Variants in PPP6R2 observed in about 807,000 individuals in gnomAD.
The protein encoded by PPP6R2 is protein phosphatase 6 regulatory subunit 2.
A neutral mutation model predicts 100.2 loss-of-function variants in PPP6R2; 62 were observed. That is an observed-to-expected ratio of 0.62 (90% CI 0.50 to 0.76). The LOEUF is 0.76. PPP6R2 is among the 30% of genes least tolerant of loss of function. PPP6R2 has a pLI of 0.00. For synonymous variants in PPP6R2, 525 were observed against 514.7 expected, an observed-to-expected ratio of 1.02 and a Z score of -0.27; for missense variants, 1,142 against 1,276.3, an observed-to-expected ratio of 0.89 and a Z score of 1.60.
chr22:50,362,038 C>G (rs1429736663), intron 1 of PPP6R2, among the ~76,000 whole-genome samples: 1 of 152,194 alleles, frequency 6.6e-6, no homozygotes, highest in Non-Finnish European at 1.5e-5. Context: ...TATGCCTGGA[C>G]CTTTGTGGTC....
chr22:50,339,245 TTG>T (rs1157774723), upstream of PPP6R2, among the ~76,000 whole-genome samples: 23 of 125,492 alleles, frequency 1.8e-4, no homozygotes, highest in East Asian at 2.4e-4. Context: ...ACGGTGTGTG[TTG>T]TGTGTGTTGT....
intron 10 of PPP6R2, among the ~76,000 whole-genome samples, chr22:50,424,619 T>C (rs917532319): frequency 1.4e-5 from 2 of 145,672 alleles, no homozygotes; most frequent in Non-Finnish European, 3.0e-5. Context: ...CCTACTTTCC[T>C]TTTCCCTCTT....
Position 50,438,268 on chromosome 22 carries a change from G to A in PPP6R2, c.1934G>A (p.Arg645His), listed in dbSNP as rs758198875. 30 of 1,613,538 alleles carry A rather than the reference G, an allele frequency of 1.9e-5. No individual in the cohort carries two copies. The highest frequency in any genetic ancestry group is 1.2e-4 in the South Asian group (11 of 91,082). Residue 645 changes from arginine (R) to histidine (H), a missense_variant, in exon 18 of 24, where the codon CGC becomes CAC. This residue lies in a region of PPP6R2 where 550 missense variants were observed against 517.4 expected (regional missense o/e 1.06). Transcript: ENST00000612753. ...DEDIWEDSDT[R>H]CAARVMARPR... ...GACATCTGGGAGGACAGTGACACTC[G>A]CTGTGCTGCCCGGGTGATGGCCAGA...
intron 4 of PPP6R2, among the ~76,000 whole-genome samples, chr22:50,410,809 T>G (rs2059638261): frequency 6.6e-6 from 1 of 152,040 alleles, no homozygotes; most frequent in South Asian, 2.1e-4. Flanking sequence ...TGTTTTCGTT[T>G]GAGACAAAGT....
At chr22:50,370,145 C>CTT (rs58582498) in intron 1 of PPP6R2, among the ~76,000 whole-genome samples, 10 of 151,224 alleles carry the variant, frequency 6.6e-5, no homozygotes, top group East Asian at 3.9e-4. Flanking sequence ...GTGATCGACA[C>CTT]TTTTTTTTTA....
chr22:50,346,680 T>C (rs1211778662), intron 1 of PPP6R2, among the ~76,000 whole-genome samples: 1 of 126,738 alleles, frequency 7.9e-6, no homozygotes, highest in Non-Finnish European at 1.6e-5. Flanking sequence ...ATGCTCCTCC[T>C]GTCGGTCAGT....
chr22:50,427,938 T>G (rs1380316012), intron 10 of PPP6R2, among the ~76,000 whole-genome samples: 1 of 152,254 alleles, frequency 6.6e-6, no homozygotes, highest in Non-Finnish European at 1.5e-5. Flanking sequence ...GCCAGGACGG[T>G]CTCGATCTCC....
At chr22:50,417,582 T>TG (rs1603316532) in intron 6 of PPP6R2, among the ~76,000 whole-genome samples, 1 of 152,212 alleles carries the variant, frequency 6.6e-6, no homozygotes, top group Non-Finnish European at 1.5e-5. Flanking sequence ...GACTCGTGTC[T>TG]GAGGCCTTCA....
intron 22 of PPP6R2, among the ~76,000 whole-genome samples, chr22:50,442,333 C>G (rs537093588): frequency 6.6e-6 from 1 of 152,350 alleles, no homozygotes; most frequent in South Asian, 2.1e-4. Context: ...GCCCTGTTGA[C>G]CAGCAGGCCC....
At chr22:50,432,175 C>T (rs2063281673) in intron 11 of PPP6R2, 90 bp from the exon 12 acceptor site, 7 of 1,250,984 alleles carry the variant, frequency 5.6e-6, no homozygotes, top group Admixed American at 4.1e-5. Flanking sequence ...ACGTGGCCGC[C>T]AGCCAGCCCT....
intron 4 of PPP6R2, among the ~76,000 whole-genome samples, chr22:50,413,663 C>G (rs544243369): frequency 8.0e-5 from 11 of 138,162 alleles, no homozygotes; most frequent in African/African-American, 2.7e-4. Flanking sequence ...TCCTCTCCTC[C>G]TCCCCTACCC....
chr22:50,356,615 T>C (rs1414693789), intron 1 of PPP6R2, among the ~76,000 whole-genome samples: 1 of 152,114 alleles, frequency 6.6e-6, no homozygotes, highest in Non-Finnish European at 1.5e-5. Flanking sequence ...ATAACATAGA[T>C]GTATGTTTCA....
rs1345924129 is a variant in PPP6R2 at position 50,370,330 on chromosome 22, AG to A, written c.-147-1687del. Among the ~76,000 whole-genome samples, 292 of 152,146 alleles carry A rather than the reference AG, an allele frequency of 1.9e-3. 3 individuals carry two copies. Among genetic ancestry groups the A allele is most frequent in the Non-Finnish European group, 3.4e-4 (23 of 68,004 alleles). On this transcript the variant is annotated intron_variant, in intron 1 of 23. Coordinates refer to ENST00000612753, the MANE Select transcript of PPP6R2 (RefSeq NM_001242898.2). ...TGAGATGGAGTCTTGCACTGTCACC[AG>A]GGCTGGAGTGCAATGGCGCGATCTC... is the stretch of plus-strand genomic sequence containing the variant.
At chr22:50,432,363 T>G in intron 12 of PPP6R2, 34 bp downstream of exon 12, 3 of 1,534,830 alleles carry the variant, frequency 2.0e-6, no homozygotes, top group Non-Finnish European at 2.6e-6. Flanking sequence ...GGACCCAGCC[T>G]GGCCAGTCAG....
At chr22:50,385,387 CAG>C (rs1293920856) in intron 2 of PPP6R2, among the ~76,000 whole-genome samples, 2 of 151,702 alleles carry the variant, frequency 1.3e-5, no homozygotes, top group East Asian at 3.9e-4. Flanking sequence ...TTAGTAGAGA[CAG>C]AGTTTCACCA....
rs1255606278 is a variant in PPP6R2 at position 50,443,728 on chromosome 22, A to G, written c.2580-138A>G. 4.0e-6 allele frequency: 5 copies of G among 1,261,204 alleles called. No individual in the cohort carries two copies. In the East Asian group the frequency reaches 1.3e-4, roughly 32 times the overall value. 78.1% of individuals were successfully genotyped at this position (1,261,204 alleles called of 1,614,324 possible). ...CTGGGCACAACCTGGGCCACCCCAC[A>G]AAGGGCAGGAGTGAGAGGGGCCAAA... On this transcript the variant is annotated intron_variant, in intron 22 of 23. Coordinates refer to ENST00000612753, the MANE Select transcript of PPP6R2 (RefSeq NM_001242898.2).
chr22:50,416,227 G>A (rs2060511693), intron 6 of PPP6R2, 70 bp downstream of exon 6: 2 of 1,405,262 alleles, frequency 1.4e-6, no homozygotes, highest in South Asian at 1.2e-5. Context: ...CACTGCTGCG[G>A]GCCAGGGGGC....
intron 1 of PPP6R2, among the ~76,000 whole-genome samples, chr22:50,356,169 T>G (rs570751976): frequency 4.0e-5 from 6 of 151,392 alleles, no homozygotes; most frequent in Non-Finnish European, 8.8e-5. Flanking sequence ...TTTCACCGTG[T>G]TAGCCAGGAT....
chr22:50,368,631 C>T (rs113202591), intron 1 of PPP6R2, among the ~76,000 whole-genome samples: 14 of 152,190 alleles, frequency 9.2e-5, no homozygotes, highest in Admixed American at 5.2e-4. Context: ...TGGAACAGCT[C>T]GTGCCCTCAG....
Sources: gnomAD v4.1 joint callset for allele counts (sites outside exome capture counted in the v4.1 genomes callset) on GRCh38, gnomAD v4.1.1 for gene constraint, gnomAD v4.1.1 regional missense constraint, MANE v1.5 for transcripts, NCBI Gene and HGNC (gene_info 2026-07-23, HGNC 2026-07-21) for gene names.